Variants in DYRK1A observed in about 807,000 individuals in gnomAD.
The protein encoded by DYRK1A is dual specificity tyrosine phosphorylation regulated kinase 1A.
DYRK1A carries 9 observed loss-of-function variants against 79.7 expected under a neutral mutation model. That is an observed-to-expected ratio of 0.11 (90% CI 0.07 to 0.20). The LOEUF is 0.20. Among genes scored for constraint, DYRK1A ranks in the 10% least tolerant of loss-of-function variants. The pLI, the probability that DYRK1A is intolerant of heterozygous loss-of-function variation, is 1.00. For synonymous variants in DYRK1A, 349 were observed against 329.7 expected, an observed-to-expected ratio of 1.06 and a Z score of -0.63; for missense variants, 622 against 956.0, an observed-to-expected ratio of 0.65 and a Z score of 4.61.
intron 1 of DYRK1A, among the ~76,000 whole-genome samples, chr21:37,412,789 G>T (rs1233968581): frequency 6.6e-6 from 1 of 152,180 alleles, no homozygotes; most frequent in African/African-American, 2.4e-5. Flanking sequence ...AACATGTGGT[G>T]CAGGAATGTG....
intron 1 of DYRK1A, among the ~76,000 whole-genome samples, chr21:37,411,995 C>A (rs549336371): frequency 6.6e-6 from 1 of 152,024 alleles, no homozygotes; most frequent in Non-Finnish European, 1.5e-5. Context: ...TACAGAAATA[C>A]GAGATCTAGT....
intron 2 of DYRK1A, among the ~76,000 whole-genome samples, chr21:37,454,107 T>C (rs1211652578): frequency 1.4e-5 from 2 of 145,172 alleles, no homozygotes; most frequent in African/African-American, 5.1e-5. Flanking sequence ...TTTTTTTTTT[T>C]TTTGAGACAA....
intron 2 of DYRK1A, among the ~76,000 whole-genome samples, chr21:37,445,162 T>C (rs1397016553): frequency 1.3e-5 from 2 of 152,178 alleles, no homozygotes; most frequent in Non-Finnish European, 2.9e-5. Context: ...TTTTAATATG[T>C]TAGTTTGCTT....
In DYRK1A at chr21:37,517,379, G is replaced by C. The variant is rs2053891759; in HGVS notation, c.*4848G>C. On this transcript the variant is annotated 3_prime_UTR_variant, in exon 12 of 12. Coordinates refer to ENST00000647188, the MANE Select transcript of DYRK1A (RefSeq NM_001347721.2). ...CTAGAGAAAGGCCGTGTAGGTATAA[G>C]TGCTTAATGTTTCATCTGTCTGAAA... 1 of 152,186 alleles carries C rather than the reference G, an allele frequency of 6.6e-6. No homozygotes were observed. Among genetic ancestry groups the C allele is most frequent in the African/African-American group, 2.4e-5 (1 of 41,434 alleles). The allele number at this position is 152,186 out of a possible 1,614,324, so 9.4% of individuals were successfully genotyped here.
In DYRK1A at chr21:37,427,166, A is replaced by G. The variant is rs1235373080; in HGVS notation, c.10+6782A>G. Among the ~76,000 whole-genome samples the G allele has an allele frequency of 1.3e-5, 2 of 152,190 alleles. 1 individual carries two copies. Among genetic ancestry groups the G allele is most frequent in the Non-Finnish European group, 2.9e-5 (2 of 68,038 alleles). Reference sequence around the variant, plus strand: ...GCTGTGTTGCCTAAGCTGGAATGCCATGTGGCATAAGCATGGCTCACTGCA... The same window carrying G: ...GCTGTGTTGCCTAAGCTGGAATGCCGTGTGGCATAAGCATGGCTCACTGCA... On this transcript the variant is annotated intron_variant, in intron 2 of 11. Transcript: ENST00000647188.
Position 37,480,837 on chromosome 21 carries a change from G to A in DYRK1A, c.489+11G>A. 6.4e-7 allele frequency: 1 copy of A among 1,566,128 alleles called. No homozygotes were observed. On this transcript the variant is annotated intron_variant, in intron 5 of 11. Coordinates refer to ENST00000647188, the MANE Select transcript of DYRK1A (RefSeq NM_001347721.2). ...GGTTCCTTTGGACAGGTAATTTAAT[G>A]GAAAATGCTGAATTTCATTAGTTAG...
Position 37,366,782 on chromosome 21 carries a change from G to C in DYRK1A, c.-923G>C, listed in dbSNP as rs546309476. On this transcript the variant is annotated 5_prime_UTR_variant, in exon 1 of 12. Coordinates refer to ENST00000647188, the MANE Select transcript of DYRK1A (RefSeq NM_001347721.2). ...TGACAGTTGCTATAGCGACCGGGTC[G>C]GTCCGTCGCCATTTTGTTGGTTGGT... 6.6e-6 allele frequency among the ~76,000 whole-genome samples: 1 copy of C among 152,100 alleles called. No homozygotes were observed. Among genetic ancestry groups the C allele is most frequent in the South Asian group, 2.1e-4 (1 of 4,820 alleles).
intron 5 of DYRK1A, among the ~76,000 whole-genome samples, chr21:37,483,383 A>G (rs2052727632): frequency 6.6e-6 from 1 of 152,200 alleles, no homozygotes; most frequent in South Asian, 2.1e-4. Flanking sequence ...GTAAGCAAAT[A>G]TGAACATTTG....
At chr21:37,414,751 C>T (rs1022005220) in intron 1 of DYRK1A, among the ~76,000 whole-genome samples, 4 of 152,046 alleles carry the variant, frequency 2.6e-5, no homozygotes, top group South Asian at 4.2e-4. Flanking sequence ...GTTAGGTTCC[C>T]GAAAAGCTCT....
chr21:37,458,003 G>A (rs571365394), intron 2 of DYRK1A, among the ~76,000 whole-genome samples: 17 of 152,320 alleles, frequency 1.1e-4, no homozygotes, highest in African/African-American at 4.1e-4. Context: ...AAGGTCTGAG[G>A]CTGTGGTAGG....
chr21:37,401,074 G>C (rs1569293516), intron 1 of DYRK1A, among the ~76,000 whole-genome samples: 1 of 152,126 alleles, frequency 6.6e-6, no homozygotes, highest in Admixed American at 6.5e-5. Flanking sequence ...AAGCCGAGAG[G>C]TGGAGGTTGT....
chr21:37,378,179 A>G (rs2049585753), intron 1 of DYRK1A, among the ~76,000 whole-genome samples: 1 of 152,218 alleles, frequency 6.6e-6, no homozygotes, highest in African/African-American at 2.4e-5. Context: ...TTGTACTATA[A>G]GATTTTTATT....
chr21:37,407,053 T>C lies in DYRK1A; in HGVS notation c.-76-13246T>C, dbSNP rs183593503. 2.6e-4 allele frequency among the ~76,000 whole-genome samples: 39 copies of C among 152,106 alleles called. 1 individual carries two copies. Among genetic ancestry groups the C allele is most frequent in the Admixed American group, 1.6e-3 (25 of 15,276 alleles). ...TTTGCTGTTTTTTCTTCTGGACATT[T>C]TCCTTTGCGTCTTCATTTATATATA... On this transcript the variant is annotated intron_variant, in intron 1 of 11. Transcript: ENST00000647188.
intron 1 of DYRK1A, among the ~76,000 whole-genome samples, chr21:37,390,757 A>T (rs1445685131): frequency 6.6e-6 from 1 of 151,900 alleles, no homozygotes; most frequent in East Asian, 1.9e-4. Context: ...TTTAGTAGAG[A>T]TGGGGTTTCG....
intron 2 of DYRK1A, among the ~76,000 whole-genome samples, chr21:37,424,093 G>GA (rs2050551463): frequency 6.6e-6 from 1 of 152,080 alleles, no homozygotes; most frequent in South Asian, 2.1e-4. Context: ...TACACTAGGA[G>GA]AATGAAAGGG....
intron 6 of DYRK1A, among the ~76,000 whole-genome samples, chr21:37,489,940 T>A (rs1430091994): frequency 6.6e-6 from 1 of 152,224 alleles, no homozygotes; most frequent in Admixed American, 6.5e-5. Flanking sequence ...TTGGTAGCAC[T>A]GCTTACCTTA....
chr21:37,387,975 A>C (rs932217073), intron 1 of DYRK1A, among the ~76,000 whole-genome samples: 1 of 152,138 alleles, frequency 6.6e-6, no homozygotes, highest in African/African-American at 2.4e-5. Flanking sequence ...CCTTGTACTC[A>C]TCATTCAAAT....
At chr21:37,461,322 T>TAA (rs1354730298) in intron 2 of DYRK1A, among the ~76,000 whole-genome samples, 1 of 152,250 alleles carries the variant, frequency 6.6e-6, no homozygotes, top group African/African-American at 2.4e-5. Flanking sequence ...ACCGAATACT[T>TAA]ACATTTATTT....
rs1488304554 is a variant in DYRK1A, at chr21:37,517,046, C to T, written c.*4515C>T. 6.6e-6 allele frequency: 1 copy of T among 152,156 alleles called. No individual in the cohort carries two copies. The highest frequency in any genetic ancestry group is 1.5e-5 in the Non-Finnish European group (1 of 68,038). 9.4% of individuals were successfully genotyped at this position (152,156 alleles called of 1,614,324 possible). A position where few individuals can be genotyped will look rare whatever the true frequency, so the allele number is the denominator to read the frequency against. ...CCATTTCAGTTGAATTTCCTGTCAT[C>T]CCCAGCAAAACCTGTGAATCCTTCT... On this transcript the variant is annotated 3_prime_UTR_variant, in exon 12 of 12. Coordinates refer to ENST00000647188, the MANE Select transcript of DYRK1A (RefSeq NM_001347721.2).
Sources: gnomAD v4.1 joint callset for allele counts (sites outside exome capture counted in the v4.1 genomes callset) on GRCh38, gnomAD v4.1.1 for gene constraint, MANE v1.5 for transcripts, NCBI Gene and HGNC (gene_info 2026-07-23, HGNC 2026-07-21) for gene names.